The following OSBPL10 variants were observed in gnomAD, a reference collection of about 807,000 sequenced individuals.
The protein encoded by OSBPL10 is oxysterol-binding protein-related protein 10.
A neutral mutation model predicts 81.7 loss-of-function variants in OSBPL10; 49 were observed. That is an observed-to-expected ratio of 0.60 (90% confidence interval 0.48 to 0.76). The LOEUF is 0.76. Ranked by LOEUF, OSBPL10 falls within the 30% of genes least tolerant of loss-of-function variation. The probability of loss-of-function intolerance (pLI) is 0.00; values close to 1 mark genes in which losing one functional copy is unlikely to be tolerated. For synonymous variants in OSBPL10, 419 were observed against 383.6 expected, an observed-to-expected ratio of 1.09 and a Z score of -1.08; for missense variants, 923 against 987.8, an observed-to-expected ratio of 0.93 and a Z score of 0.88.
At chr3:32,010,233 C>T (rs1192697288) in intron 2 of OSBPL10, among the ~76,000 whole-genome samples, 1 of 151,986 alleles carries the variant, frequency 6.6e-6, no homozygotes, top group African/African-American at 2.4e-5. Context: ...CATCTGTAAG[C>T]CAAGGAGAGA....
At chr3:32,007,527 G>C (rs576867973) in intron 2 of OSBPL10, among the ~76,000 whole-genome samples, 1 of 152,160 alleles carries the variant, frequency 6.6e-6, no homozygotes, top group South Asian at 2.1e-4. Flanking sequence ...CCAGCTCCTG[G>C]TGACTGCCCA....
intron 7 of OSBPL10, among the ~76,000 whole-genome samples, chr3:31,695,290 C>G (rs1443211929): frequency 6.6e-6 from 1 of 152,118 alleles, no homozygotes; most frequent in Non-Finnish European, 1.5e-5. Context: ...CTGAGAAATC[C>G]ACATAGGGTT....
At chr3:31,958,244 A>G (rs1179491644) in intron 1 of OSBPL10, among the ~76,000 whole-genome samples, 2 of 152,198 alleles carry the variant, frequency 1.3e-5, no homozygotes, top group Non-Finnish European at 2.9e-5. Flanking sequence ...GATTTCTACT[A>G]ATATTTAGGG....
At chr3:32,013,870 A>G (rs1699287297) in intron 2 of OSBPL10, among the ~76,000 whole-genome samples, 1 of 152,216 alleles carries the variant, frequency 6.6e-6, no homozygotes. Context: ...TCCTCGACAC[A>G]TACACCCTCC....
chr3:31,667,615 T>C (rs1196901009), intron 10 of OSBPL10, among the ~76,000 whole-genome samples: 2 of 152,242 alleles, frequency 1.3e-5, no homozygotes, highest in Non-Finnish European at 2.9e-5. Context: ...AAAGAGTGTA[T>C]GCTCTTAGAT....
intron 8 of OSBPL10, among the ~76,000 whole-genome samples, chr3:31,683,267 C>T (rs139220865): frequency 2.3e-3 from 349 of 152,250 alleles, no homozygotes; most frequent in Non-Finnish European, 4.2e-3. Flanking sequence ...GCCAGAACAC[C>T]GGTGAGAATG....
intron 5 of OSBPL10, among the ~76,000 whole-genome samples, chr3:31,744,943 G>A (rs559722211): frequency 6.6e-6 from 1 of 152,260 alleles, no homozygotes; most frequent in Admixed American, 6.5e-5. Context: ...TTACAATATA[G>A]GGCAAAAGAG....
intron 3 of OSBPL10, among the ~76,000 whole-genome samples, chr3:31,874,452 G>A (rs1162505177): frequency 6.6e-6 from 1 of 151,840 alleles, no homozygotes; most frequent in Non-Finnish European, 1.5e-5. Flanking sequence ...TCTACTAGGA[G>A]AAAATATCAA....
chr3:31,671,251 C>A (rs948342205), intron 8 of OSBPL10, among the ~76,000 whole-genome samples: 3 of 152,136 alleles, frequency 2.0e-5, no homozygotes, highest in African/African-American at 7.2e-5. Context: ...AAAATTGTAA[C>A]AGTGATAAAG....
At chr3:31,697,315 GAAC>G (rs1020979071) in intron 7 of OSBPL10, among the ~76,000 whole-genome samples, 2 of 152,068 alleles carry the variant, frequency 1.3e-5, no homozygotes, top group African/African-American at 4.8e-5. Flanking sequence ...ACTCACCAGT[GAAC>G]AACAGGCAAG....
chr3:31,836,487 G>C (rs972652277), intron 3 of OSBPL10, among the ~76,000 whole-genome samples: 2 of 151,954 alleles, frequency 1.3e-5, no homozygotes, highest in East Asian at 1.9e-4. Flanking sequence ...CATTTTCTGC[G>C]CTTTTTTCCC....
In OSBPL10 at chr3:31,684,017, C is replaced by T; in HGVS notation, c.1343G>A (p.Gly448Glu). 6.2e-7 allele frequency: 1 copy of T among 1,614,226 alleles called. No homozygotes were observed. The highest frequency in any genetic ancestry group is 8.5e-7 in the Non-Finnish European group (1 of 1,180,054). ...HPDLLLAITA[G>E]ATPEERVICF... ...AATGACTCTCTCCTCTGGTGTGGCC[C>T]CAGCGGTGATGGCCAGCAGTAGGTC... is the stretch of plus-strand genomic sequence containing the variant. The change falls in exon 8 of 12, where the codon GGG (glycine) becomes GAG (glutamate). Residue 448 changes from glycine to glutamate, a missense_variant. Gly to Glu is a moderately conservative substitution (Grantham distance 98). Around this residue, in one of 3 missense-constraint regions of OSBPL10, gnomAD observed 387 missense variants for 436.3 expected, o/e 0.89. Transcript: ENST00000396556.
At chr3:32,036,204 C>T (rs770053139) in intron 2 of OSBPL10, among the ~76,000 whole-genome samples, 1 of 152,128 alleles carries the variant, frequency 6.6e-6, no homozygotes, top group African/African-American at 2.4e-5. Flanking sequence ...TGTGACACCA[C>T]GCCCGGCTAA....
intron 4 of OSBPL10, among the ~76,000 whole-genome samples, chr3:31,783,111 T>TTTTATATATATATATATA (rs1048319563): frequency 1.5e-4 from 18 of 121,622 alleles, no homozygotes; most frequent in Non-Finnish European, 2.0e-4. Flanking sequence ...AATATATCTA[T>TTTTATATATATATATATA]TATATATATA....
At chr3:31,762,850 G>C (rs73826892) in intron 4 of OSBPL10, among the ~76,000 whole-genome samples, 1 of 151,748 alleles carries the variant, frequency 6.6e-6, no homozygotes. Context: ...TTGCGGATGC[G>C]AGGTGTCAGG....
At chr3:31,689,353 T>C (rs985160665) in intron 7 of OSBPL10, among the ~76,000 whole-genome samples, 2 of 152,024 alleles carry the variant, frequency 1.3e-5, no homozygotes, top group African/African-American at 2.4e-5. Flanking sequence ...GTTGGGAAAA[T>C]TTACCATGGG....
chr3:31,866,623 G>T (rs1198027535), intron 3 of OSBPL10, among the ~76,000 whole-genome samples: 1 of 152,170 alleles, frequency 6.6e-6, no homozygotes, highest in African/African-American at 2.4e-5. Flanking sequence ...ACAAAGGCGG[G>T]GGAGGAGAGT....
At chr3:31,726,665 A>G (rs7635689) in intron 6 of OSBPL10, among the ~76,000 whole-genome samples, 13,724 of 151,836 alleles carry the variant, frequency 0.09, 1,561 homozygotes, top group African/African-American at 0.26. Flanking sequence ...AGGATATGTC[A>G]TGAGGATGCA....
intron 2 of OSBPL10, among the ~76,000 whole-genome samples, chr3:31,987,837 T>C (rs1287634610): frequency 5.3e-5 from 8 of 152,212 alleles, no homozygotes; most frequent in African/African-American, 1.7e-4. Context: ...TATGCAAAAG[T>C]CACCTCCAAG....
Sources: gnomAD v4.1 joint callset for allele counts (sites outside exome capture counted in the v4.1 genomes callset) on GRCh38, gnomAD v4.1.1 for gene constraint, gnomAD v4.1.1 regional missense constraint, MANE v1.5 for transcripts, NCBI Gene and HGNC (gene_info 2026-07-23, HGNC 2026-07-21) for gene names.